The following IMPA1 variants were observed in gnomAD, a reference collection of about 807,000 sequenced individuals.
IMPA1 encodes the protein D-galactose 1-phosphate phosphatase.
IMPA1 carries 21 observed loss-of-function variants against 34.9 expected under a neutral mutation model. The observed-to-expected ratio is 0.60, with a 90% CI of 0.43 to 0.87. The LOEUF (loss-of-function observed/expected upper bound fraction) is 0.87. Ranked by LOEUF, IMPA1 falls within the 40% of genes least tolerant of loss-of-function variation. IMPA1 has a pLI of 0.00. For missense variants in IMPA1, 299 were observed against 336.4 expected, an observed-to-expected ratio of 0.89 and a Z score of 0.87; for synonymous variants, 95 against 104.4, an observed-to-expected ratio of 0.91 and a Z score of 0.55.
intron 7 of IMPA1, among the ~76,000 whole-genome samples, chr8:81,666,737 G>A (rs1455824268): frequency 6.6e-6 from 1 of 151,980 alleles, no homozygotes; most frequent in Non-Finnish European, 1.5e-5. Flanking sequence ...GGGCATGGTG[G>A]TGCGTAGCTG....
At position 81,658,059 on chromosome 8, in the gene IMPA1, G is replaced by C. The variant is rs1384949610; in HGVS notation, c.*1292C>G. ...ATGTTTTAAGTACATGTGATCAACA[G>C]TACAAATAATTATAGCAGTCAAACC... is the stretch of plus-strand genomic sequence containing the variant. On this transcript the variant is annotated 3_prime_UTR_variant, in exon 9 of 9. Transcript: ENST00000256108. 1 of 152,110 alleles carries C rather than the reference G, an allele frequency of 6.6e-6. No homozygotes were observed. The highest frequency in any genetic ancestry group is 1.9e-4 in the East Asian group (1 of 5,198). 9.4% of individuals were successfully genotyped at this position (152,110 alleles called of 1,614,324 possible).
At chr8:81,680,108 C>T (rs1241106694) in intron 3 of IMPA1, among the ~76,000 whole-genome samples, 10 of 150,654 alleles carry the variant, frequency 6.6e-5, no homozygotes, top group African/African-American at 2.2e-4. Context: ...GCACTCCAGC[C>T]TGCCTGACAG....
chr8:81,667,955 C>T (rs1806881332), intron 7 of IMPA1, among the ~76,000 whole-genome samples: 1 of 151,902 alleles, frequency 6.6e-6, no homozygotes, highest in Non-Finnish European at 1.5e-5. Context: ...TCCGGAGTAG[C>T]TGGGACTACA....
At chr8:81,674,202 A>C (rs1807068708) in intron 5 of IMPA1, 1 of 363,438 alleles carries the variant, frequency 2.8e-6, no homozygotes, top group African/African-American at 2.1e-5. Context: ...CCTGCTTCGG[A>C]AGACAGGGCT....
chr8:81,673,974 T>C (rs373743142), intron 5 of IMPA1, 25 bp from the exon 6 acceptor site: 2 of 1,388,604 alleles, frequency 1.4e-6, no homozygotes, highest in African/African-American at 1.4e-5. Context: ...AAGTTTCCTT[T>C]ACCAAACCTA....
chr8:81,671,362 T>C (rs113886329), intron 6 of IMPA1, among the ~76,000 whole-genome samples: 13 of 152,238 alleles, frequency 8.5e-5, no homozygotes, highest in African/African-American at 3.1e-4. Flanking sequence ...GATTTATGTA[T>C]AGATTTGGAA....
intron 1 of IMPA1, among the ~76,000 whole-genome samples, chr8:81,685,323 A>T (rs1266823704): frequency 7.3e-6 from 1 of 136,078 alleles, no homozygotes; most frequent in African/African-American, 2.7e-5. Flanking sequence ...TGTACTATAC[A>T]TATAGTATAT....
rs1806546198 is a variant in IMPA1 at position 81,657,342 on chromosome 8, T to G, written c.*2009A>C. ...TGGCTCACATCTGTAATCCCAGCAC[T>G]TTAGAAGGCTGAGGCAGGAGGATCA... On this transcript the variant is annotated 3_prime_UTR_variant, in exon 9 of 9. Transcript: ENST00000256108. Among the ~76,000 whole-genome samples the G allele has an allele frequency of 6.6e-6, 1 of 152,116 alleles. No homozygotes were observed. Among genetic ancestry groups the G allele is most frequent in the African/African-American group, 2.4e-5 (1 of 41,420 alleles).
intron 7 of IMPA1, among the ~76,000 whole-genome samples, chr8:81,666,726 C>T (rs181202759): frequency 9.4e-4 from 143 of 151,406 alleles, no homozygotes; most frequent in Non-Finnish European, 1.6e-3. Flanking sequence ...ATACAAAAGC[C>T]GGGCATGGTG....
At chr8:81,665,325 C>T (rs1806791759) in intron 7 of IMPA1, among the ~76,000 whole-genome samples, 1 of 151,728 alleles carries the variant, frequency 6.6e-6, no homozygotes, top group African/African-American at 2.4e-5. Flanking sequence ...AACAAGATGA[C>T]TGAACTCAGG....
chr8:81,675,992 G>A (rs1292260508), intron 5 of IMPA1, among the ~76,000 whole-genome samples: 1 of 152,148 alleles, frequency 6.6e-6, no homozygotes, highest in African/African-American at 2.4e-5. Context: ...TAAATACTGA[G>A]TTGTATTTCA....
chr8:81,686,121 A>G (rs74390175), intron 1 of IMPA1, 131 bp downstream of exon 1: 23,952 of 803,272 alleles, frequency 0.03, 501 homozygotes, highest in South Asian at 0.084. Flanking sequence ...GGTCACCCAG[A>G]GGCTGCCTCC....
Position 81,679,058 on chromosome 8 carries a change from ATAGAG to A in IMPA1, c.302+63_302+67del. On this transcript the variant is annotated intron_variant, in intron 4 of 8. Coordinates refer to ENST00000256108, the MANE Select transcript of IMPA1 (RefSeq NM_005536.4). ...TTTTCTAAAGTGTACATGTTCCTAA[ATAGAG>A]TATCTATAGGTCAATCCAGTTAATA... 3.1e-6 allele frequency: 3 copies of A among 964,362 alleles called. 1 individual carries two copies. In the South Asian group the frequency reaches 4.1e-5, roughly 13 times the overall value. 59.7% of individuals were successfully genotyped at this position (964,362 alleles called of 1,614,324 possible).
chr8:81,668,103 G>C (rs61365650), intron 7 of IMPA1, among the ~76,000 whole-genome samples: 1 of 152,152 alleles, frequency 6.6e-6, no homozygotes, highest in African/African-American at 2.4e-5. Flanking sequence ...GATTACAGGC[G>C]TGAGCCACCA....
At chr8:81,675,028 C>T (rs1264689123) in intron 5 of IMPA1, among the ~76,000 whole-genome samples, 2 of 152,154 alleles carry the variant, frequency 1.3e-5, no homozygotes, top group African/African-American at 2.4e-5. Flanking sequence ...TGTCACTTTC[C>T]ACTTCAAAAC....
At chr8:81,681,456 C>T in intron 2 of IMPA1, 42 bp downstream of exon 2, 1 of 1,099,038 alleles carries the variant, frequency 9.1e-7, no homozygotes, top group Non-Finnish European at 1.4e-6. Context: ...ACCCACCAAT[C>T]ACATTATAAT....
intron 3 of IMPA1, 35 bp downstream of exon 3, chr8:81,680,615 A>G (rs759066075): frequency 6.7e-7 from 1 of 1,494,210 alleles, no homozygotes; most frequent in Non-Finnish European, 9.3e-7. Context: ...ATGGTGAGAT[A>G]ATAAACATTT....
intron 7 of IMPA1, among the ~76,000 whole-genome samples, chr8:81,664,246 T>A (rs1806757100): frequency 6.6e-6 from 1 of 152,108 alleles, no homozygotes; most frequent in African/African-American, 2.4e-5. Flanking sequence ...AAACTCCCTG[T>A]ATACCCTCCT....
Position 81,670,921 on chromosome 8 carries a change from T to TA in IMPA1, c.566+17dup, listed in dbSNP as rs748051877. 1.6e-5 allele frequency: 20 copies of TA among 1,256,768 alleles called. No individual in the cohort carries two copies. The highest frequency in any genetic ancestry group is 1.9e-4 in the Middle Eastern group (1 of 5,370). 77.9% of individuals were successfully genotyped at this position (1,256,768 alleles called of 1,614,324 possible). The stretch of plus-strand genomic sequence containing the variant: ...CACGTATACAAAGAGAGAGATAGAA[T>TA]AATGGTAAAGAGCTTACCCATGAAC... On this transcript the variant is annotated intron_variant, in intron 7 of 8. Coordinates refer to ENST00000256108, the MANE Select transcript of IMPA1 (RefSeq NM_005536.4).
Sources: gnomAD v4.1 joint callset for allele counts (sites outside exome capture counted in the v4.1 genomes callset) on GRCh38, gnomAD v4.1.1 for gene constraint, MANE v1.5 for transcripts, NCBI Gene and HGNC (gene_info 2026-07-23, HGNC 2026-07-21) for gene names.